Variants in TRIM33 observed in about 807,000 individuals in gnomAD.
TRIM33 encodes the protein E3 ubiquitin-protein ligase TRIM33.
In TRIM33, 20 loss-of-function variants were observed where a neutral mutation model predicts 125.4. That is an observed-to-expected ratio of 0.16 (90% CI 0.11 to 0.23). The LOEUF is 0.23. Among genes scored for constraint, TRIM33 ranks in the 10% least tolerant of loss-of-function variants. The pLI is 1.00. For missense variants in TRIM33, 920 were observed against 1,411.4 expected (o/e 0.65, Z 5.58); for synonymous variants, 564 against 513.9 (o/e 1.10, Z -1.32).
At chr1:114,456,359 T>C (rs1038491973) in intron 4 of TRIM33, among the ~76,000 whole-genome samples, 2 of 152,174 alleles carry the variant, frequency 1.3e-5, no homozygotes, top group Admixed American at 6.5e-5. Flanking sequence ...AATGAAGAAT[T>C]AGACAACGGA....
intron 11 of TRIM33, among the ~76,000 whole-genome samples, chr1:114,413,566 AAAAAAAAG>A (rs1285709349): frequency 2.1e-5 from 3 of 143,848 alleles, no homozygotes; most frequent in East Asian, 1.9e-4. Flanking sequence ...CTCAAAAAAA[AAAAAAAAG>A]AAAAGAAAAG....
chr1:114,420,078 A>G (rs563562210), intron 11 of TRIM33, among the ~76,000 whole-genome samples: 1 of 152,376 alleles, frequency 6.6e-6, no homozygotes, highest in Non-Finnish European at 1.5e-5. Flanking sequence ...AACGCATACA[A>G]TGCATAAAAC....
At chr1:114,493,079 A>C (rs1480361691) in intron 1 of TRIM33, among the ~76,000 whole-genome samples, 1 of 152,146 alleles carries the variant, frequency 6.6e-6, no homozygotes. Flanking sequence ...GTTGTTTTTT[A>C]ACTAGAGCCA....
intron 4 of TRIM33, among the ~76,000 whole-genome samples, chr1:114,442,315 G>A (rs373784706): frequency 1.7e-3 from 253 of 152,218 alleles, no homozygotes; most frequent in African/African-American, 5.7e-3. Flanking sequence ...CTCCCTAAGA[G>A]GACTGACAGT....
intron 4 of TRIM33, among the ~76,000 whole-genome samples, chr1:114,462,132 C>T (rs1444608206): frequency 3.9e-5 from 6 of 152,148 alleles, no homozygotes; most frequent in Non-Finnish European, 5.9e-5. Flanking sequence ...GGCTCTCTTA[C>T]ACTTAAAACC....
intron 13 of TRIM33, 63 bp from the exon 14 acceptor site, chr1:114,407,163 T>C: frequency 1.4e-6 from 2 of 1,400,324 alleles, no homozygotes; most frequent in Non-Finnish European, 1.9e-6. Context: ...TAAAAACAAT[T>C]ATATGAAAAG....
At chr1:114,432,155 C>T (rs1043237123) in intron 5 of TRIM33, among the ~76,000 whole-genome samples, 3 of 152,116 alleles carry the variant, frequency 2.0e-5, no homozygotes, top group Admixed American at 1.3e-4. Flanking sequence ...TCCTCAACCC[C>T]GTGCAATCTT....
At chr1:114,400,431 T>A (rs1261467971) in intron 17 of TRIM33, among the ~76,000 whole-genome samples, 1 of 152,160 alleles carries the variant, frequency 6.6e-6, no homozygotes, top group Non-Finnish European at 1.5e-5. Flanking sequence ...CTTGAACTCC[T>A]GAACTCAAGT....
chr1:114,431,250 G>A (rs1647932890), intron 5 of TRIM33, among the ~76,000 whole-genome samples: 1 of 152,206 alleles, frequency 6.6e-6, no homozygotes, highest in South Asian at 2.1e-4. Flanking sequence ...CATTGGTTCT[G>A]TTTAACCTTG....
At chr1:114,434,481 C>G (rs1648156878) in intron 4 of TRIM33, among the ~76,000 whole-genome samples, 2 of 152,186 alleles carry the variant, frequency 1.3e-5, no homozygotes, top group Non-Finnish European at 2.9e-5. Context: ...ACATCAACAC[C>G]AGTTTTACTT....
chr1:114,397,972 C>CTTG lies in TRIM33; in HGVS notation c.3136_3138dup (p.Gln1046dup). ...TTAATCTCTTGTGTGTCTGCATAAA[C>CTTG]TTGAACAACTTTCATCATCTAAAAA... On this transcript the variant is annotated inframe_insertion, in exon 19 of 20. Transcript: ENST00000358465. 1 of 1,612,042 alleles carries CTTG rather than the reference C, an allele frequency of 6.2e-7. No individual in the cohort carries two copies. Among genetic ancestry groups the CTTG allele is most frequent in the Non-Finnish European group, 8.5e-7 (1 of 1,179,554 alleles).
At chr1:114,482,947 A>T (rs1651448207) in intron 1 of TRIM33, among the ~76,000 whole-genome samples, 1 of 152,232 alleles carries the variant, frequency 6.6e-6, no homozygotes, top group South Asian at 2.1e-4. Context: ...TCTTTATAGC[A>T]GTGTCAGAAT....
chr1:114,482,688 G>A (rs554997232), intron 1 of TRIM33, among the ~76,000 whole-genome samples: 12 of 152,222 alleles, frequency 7.9e-5, no homozygotes, highest in South Asian at 6.2e-4. Context: ...ATTGGATCAC[G>A]GGGGCAGATT....
intron 4 of TRIM33, among the ~76,000 whole-genome samples, chr1:114,451,374 T>TAAA (rs11419050): frequency 4.7e-4 from 64 of 135,690 alleles, no homozygotes; most frequent in Middle Eastern, 3.7e-3. Flanking sequence ...TACCCTGCTT[T>TAAA]AAAAAAAAAA....
chr1:114,474,373 G>C (rs1344397059), intron 1 of TRIM33, among the ~76,000 whole-genome samples: 1 of 150,624 alleles, frequency 6.6e-6, no homozygotes, highest in Non-Finnish European at 1.5e-5. Flanking sequence ...TTCAAAGCCA[G>C]CCTGGGTGAC....
At chr1:114,421,312 TTACTC>T (rs956527981) in intron 11 of TRIM33, 119 bp downstream of exon 11, 1 of 920,384 alleles carries the variant, frequency 1.1e-6, no homozygotes, top group African/African-American at 1.7e-5. Context: ...GATTTAGACT[TTACTC>T]TTCAGAAATT....
rs199792194 is a variant in TRIM33 at position 114,461,291 on chromosome 1, TTTATATA to T, written c.923+1806_923+1812del. Among the ~76,000 whole-genome samples, 98 of 112,348 alleles carry T rather than the reference TTTATATA, an allele frequency of 8.7e-4. No individual in the cohort carries two copies. In the Middle Eastern group the frequency reaches 0.014, roughly 16 times the overall value. The allele number at this position is 112,348 out of a possible 152,430, so 73.7% of individuals were successfully genotyped here. On this transcript the variant is annotated intron_variant, in intron 4 of 19. Transcript: ENST00000358465. ...ATTATATATTTATTATTATTATATA[TTTATATA>T]TTATATTTTATATTTTATATATATA... is the stretch of plus-strand genomic sequence containing the variant.
At chr1:114,498,663 A>G (rs1046441567) in intron 1 of TRIM33, among the ~76,000 whole-genome samples, 1 of 152,110 alleles carries the variant, frequency 6.6e-6, no homozygotes, top group African/African-American at 2.4e-5. Context: ...TGTAATTAAT[A>G]AATTGGATAA....
chr1:114,441,215 T>C (rs1046866795), intron 4 of TRIM33, among the ~76,000 whole-genome samples: 1 of 152,190 alleles, frequency 6.6e-6, no homozygotes, highest in Non-Finnish European at 1.5e-5. Context: ...AGGATCACCT[T>C]AGTCCAAGAG....
Sources: allele counts gnomAD v4.1 joint callset (sites outside exome capture counted in the v4.1 genomes callset), GRCh38; gene constraint gnomAD v4.1.1; transcripts MANE v1.5; gene names NCBI Gene and HGNC (gene_info 2026-07-23, HGNC 2026-07-21).